The following FMN1 variants were observed in gnomAD, a reference collection of about 807,000 sequenced individuals.
The protein encoded by FMN1 is formin 1.
Under a neutral mutation model 132.4 loss-of-function variants are expected in FMN1, and 110 were observed. The ratio of observed to expected loss-of-function variants is 0.83; its 90% CI spans 0.71 to 0.97. The LOEUF (loss-of-function observed/expected upper bound fraction) is 0.97. Ranked by LOEUF, FMN1 falls within the 50% of genes least tolerant of loss-of-function variation. FMN1 has a pLI of 0.00. For synonymous variants in FMN1, 722 were observed against 651.7 expected (o/e 1.11, Z -1.64); for missense variants, 1,792 against 1,705.3 (o/e 1.05, Z -0.90).
rs1429145952 is a variant in FMN1, at chr15:32,969,096, G to A, written c.2605C>T (p.Pro869Ser). 1 of 1,610,206 alleles carries A rather than the reference G, an allele frequency of 6.2e-7. No individual in the cohort carries two copies. The highest frequency in any genetic ancestry group is 2.2e-5 in the East Asian group (1 of 44,818). ...GGAGGGATGGATGCGGGAGGCGGAG[G>A]CAATGCCTTCTGCTGATTTGATGCC... ...GMASNQQKAL[P>S]PPPASIPPPP... Residue 869 changes from proline (P) to serine (S), a missense_variant, in exon 8 of 21, where the codon CCT (proline) becomes TCT (serine). Physicochemically the swap from Pro to Ser is moderately conservative, Grantham distance 74. Transcript: ENST00000616417.
chr15:33,014,477 CA>C, intron 6 of FMN1, among the ~76,000 whole-genome samples: 2 of 152,278 alleles, frequency 1.3e-5, no homozygotes, highest in Admixed American at 1.3e-4. Flanking sequence ...AGGGCAGACT[CA>C]TTTGAAGTCA....
At chr15:32,882,848 A>G (rs1567321249) in intron 16 of FMN1, among the ~76,000 whole-genome samples, 1 of 152,376 alleles carries the variant, frequency 6.6e-6, no homozygotes, top group Admixed American at 6.5e-5. Flanking sequence ...TATCAACAGG[A>G]AACACTTTCT....
chr15:32,881,162 C>T (rs1407765513), intron 16 of FMN1, among the ~76,000 whole-genome samples: 1 of 151,970 alleles, frequency 6.6e-6, no homozygotes, highest in Non-Finnish European at 1.5e-5. Context: ...ACTTTTTAGG[C>T]CTTTTAAAAT....
chr15:33,035,149 T>C lies in FMN1; in HGVS notation c.2162-27074A>G, dbSNP rs150233305. Among the ~76,000 whole-genome samples, 1,188 of 152,316 alleles carry C rather than the reference T, an allele frequency of 7.8e-3. 22 individuals carry two copies. Among genetic ancestry groups the C allele is most frequent in the African/African-American group, 0.027 (1,139 of 41,560 alleles). On this transcript the variant is annotated intron_variant, in intron 6 of 20. Transcript: ENST00000616417. The stretch of plus-strand genomic sequence containing the variant: ...TACACATACATATGTACTCCTTTAT[T>C]ATCACATTAAATAACAGGATCTAGT...
chr15:33,076,314 T>C (rs1412258874), intron 5 of FMN1, among the ~76,000 whole-genome samples: 1 of 152,228 alleles, frequency 6.6e-6, no homozygotes, highest in Non-Finnish European at 1.5e-5. Flanking sequence ...ACCTGGAATT[T>C]ATTAGACTAC....
At chr15:32,844,599 A>C (rs1468328393) in intron 17 of FMN1, among the ~76,000 whole-genome samples, 1 of 152,212 alleles carries the variant, frequency 6.6e-6, no homozygotes, top group Non-Finnish European at 1.5e-5. Flanking sequence ...ATATAACAAA[A>C]ATAAAGTGTC....
At chr15:32,852,493 C>T (rs990874773) in intron 17 of FMN1, among the ~76,000 whole-genome samples, 27 of 152,146 alleles carry the variant, frequency 1.8e-4, no homozygotes, top group Admixed American at 1.2e-3. Flanking sequence ...AATCCTCCCA[C>T]CTCAGCCTCC....
At chr15:33,128,420 T>C (rs557498880) in intron 4 of FMN1, among the ~76,000 whole-genome samples, 308 of 152,302 alleles carry the variant, frequency 2.0e-3, no homozygotes, top group Non-Finnish European at 3.4e-3. Context: ...AACAAAATCA[T>C]TCTTTCTACC....
intron 12 of FMN1, 70 bp downstream of exon 12, chr15:32,908,420 G>T: frequency 1.0e-6 from 1 of 995,274 alleles, no homozygotes; most frequent in Non-Finnish European, 1.6e-6. Flanking sequence ...GTTATTCTGA[G>T]CTGGGAGACA....
chr15:33,079,110 T>G (rs1350266839), intron 5 of FMN1, among the ~76,000 whole-genome samples: 2 of 152,240 alleles, frequency 1.3e-5, no homozygotes, highest in Non-Finnish European at 2.9e-5. Flanking sequence ...TTCTATTCTG[T>G]GATCTCTCTG....
chr15:33,066,393 C>T (rs1240893964), intron 5 of FMN1: 35 of 881,710 alleles, frequency 4.0e-5, no homozygotes, highest in Non-Finnish European at 6.0e-5. Flanking sequence ...TGACTATAAT[C>T]CTTTTTCAAC....
chr15:32,988,783 A>AGAAAG (rs111612459), intron 7 of FMN1, among the ~76,000 whole-genome samples: 123,671 of 151,712 alleles, frequency 0.82, 50,563 homozygotes, highest in East Asian at 0.97. Context: ...GTATTGAGAA[A>AGAAAG]GTTGAGAACC....
chr15:32,994,398 C>T (rs186925), intron 7 of FMN1, among the ~76,000 whole-genome samples: 2 of 152,130 alleles, frequency 1.3e-5, no homozygotes, highest in Admixed American at 6.5e-5. Flanking sequence ...CACAAAGCTT[C>T]CCTGCAGTTC....
At position 32,969,460 on chromosome 15, in the gene FMN1, C is replaced by G. The variant is rs1238450937; in HGVS notation, c.2241G>C (p.Arg747=). The G allele has an allele frequency of 1.9e-6, 3 of 1,613,412 alleles. No individual in the cohort carries two copies. In the African/African-American group the frequency reaches 4.0e-5, roughly 22 times the overall value. The change falls in exon 8 of 21, where the codon CGG becomes CGC. Residue 747 remains arginine (R), a synonymous_variant. Transcript: ENST00000616417. ...IENLQAQFEL[R]AFHIRGEHAM... ...CATGCTCGCCCCGGATATGAAATGC[C>G]CGAAGTTCAAACTGTGCCTATAGGA...
chr15:33,110,593 AAAT>A (rs1161768083), intron 4 of FMN1, among the ~76,000 whole-genome samples: 14 of 152,166 alleles, frequency 9.2e-5, no homozygotes, highest in African/African-American at 3.4e-4. Context: ...CATGCATCTC[AAAT>A]AATATCAGTA....
At chr15:33,120,758 A>T (rs1046308707) in intron 4 of FMN1, among the ~76,000 whole-genome samples, 1 of 152,058 alleles carries the variant, frequency 6.6e-6, no homozygotes, top group Admixed American at 6.5e-5. Flanking sequence ...TATTCTACCT[A>T]TTACCCTTTT....
At chr15:32,899,021 A>G (rs370291323) in intron 14 of FMN1, 128 bp from the exon 15 acceptor site, 3 of 648,380 alleles carry the variant, frequency 4.6e-6, no homozygotes. Context: ...CGATGCTGGC[A>G]AGGTTTTCCT....
chr15:33,033,410 A>G (rs529927905), intron 6 of FMN1, among the ~76,000 whole-genome samples: 1 of 152,246 alleles, frequency 6.6e-6, no homozygotes, highest in East Asian at 1.9e-4. Flanking sequence ...CGCCTACCAC[A>G]GTCCCTGTCC....
At chr15:32,848,228 G>A (rs1175294170) in intron 17 of FMN1, among the ~76,000 whole-genome samples, 1 of 152,126 alleles carries the variant, frequency 6.6e-6, no homozygotes, top group African/African-American at 2.4e-5. Context: ...CATCACAAAA[G>A]TGTGACGCCT....
Sources: allele counts gnomAD v4.1 joint callset (sites outside exome capture counted in the v4.1 genomes callset), GRCh38; gene constraint gnomAD v4.1.1; transcripts MANE v1.5; gene names NCBI Gene and HGNC (gene_info 2026-07-23, HGNC 2026-07-21).